The following ERC1 variants were observed in gnomAD, a reference collection of about 807,000 sequenced individuals.
ERC1 encodes the protein ELKS/RAB6-interacting/CAST family member 1, also known as RAB6 interacting protein 2.
A neutral mutation model predicts 132.0 loss-of-function variants in ERC1; 56 were observed. That is an observed-to-expected ratio of 0.42 (90% CI 0.34 to 0.53). The LOEUF (loss-of-function observed/expected upper bound fraction) is 0.53. ERC1 is among the 20% of genes least tolerant of loss of function. The probability of loss-of-function intolerance (pLI) is 0.03; values close to 1 mark genes in which losing one functional copy is unlikely to be tolerated. For missense variants in ERC1, 1,202 were observed against 1,349.9 expected (o/e 0.89, Z 1.72); for synonymous variants, 478 against 476.1 (o/e 1.00, Z -0.05).
chr12:1,148,876 AC>A (rs1421772652), intron 8 of ERC1, among the ~76,000 whole-genome samples: 3 of 152,320 alleles, frequency 2.0e-5, no homozygotes, highest in African/African-American at 7.2e-5. Flanking sequence ...TGCAGGGATC[AC>A]AGGCATGAGC....
chr12:1,416,645 T>G lies in ERC1; in HGVS notation c.3024+8398T>G, dbSNP rs117059740. ...TTGTCTGAATCACTGTCTTCTAAGT[T>G]GATTGTCCCTTTATCTAGTTCTGTT... On this transcript the variant is annotated intron_variant, in intron 17 of 18. Coordinates refer to ENST00000360905, the MANE Select transcript of ERC1 (RefSeq NM_178040.4). 3.0e-3 allele frequency among the ~76,000 whole-genome samples: 450 copies of G among 152,342 alleles called. 1 individual carries two copies. The highest frequency in any genetic ancestry group is 5.1e-3 in the Non-Finnish European group (345 of 68,036).
At chr12:1,415,915 A>G (rs2092096495) in intron 17 of ERC1, among the ~76,000 whole-genome samples, 1 of 152,222 alleles carries the variant, frequency 6.6e-6, no homozygotes, top group Admixed American at 6.5e-5. Flanking sequence ...CATTTACTAT[A>G]GGTCCAGCAC....
intron 17 of ERC1, among the ~76,000 whole-genome samples, chr12:1,435,271 G>A (rs999553425): frequency 5.3e-5 from 8 of 152,196 alleles, no homozygotes; most frequent in African/African-American, 1.9e-4. Flanking sequence ...ATTTTTTAGT[G>A]CGTGTGTGGA....
chr12:1,371,201 C>T (rs796473282), intron 15 of ERC1, among the ~76,000 whole-genome samples: 40 of 54,804 alleles, frequency 7.3e-4, no homozygotes, highest in African/African-American at 6.6e-3. Flanking sequence ...ATTTCCCCCT[C>T]TCTCCTCTGC....
At chr12:1,397,858 C>G (rs1260018899) in intron 16 of ERC1, among the ~76,000 whole-genome samples, 2 of 152,002 alleles carry the variant, frequency 1.3e-5, no homozygotes, top group Non-Finnish European at 2.9e-5. Flanking sequence ...TAAAAACAAA[C>G]AGAAACAAAT....
chr12:1,305,067 A>G (rs141322677), intron 15 of ERC1, among the ~76,000 whole-genome samples: 2 of 152,142 alleles, frequency 1.3e-5, no homozygotes, highest in Non-Finnish European at 2.9e-5. Flanking sequence ...GGCGTGAGCC[A>G]CTGCTCCCGG....
intron 7 of ERC1, among the ~76,000 whole-genome samples, chr12:1,122,641 C>A (rs12302009): frequency 0.057 from 478 of 8,390 alleles, 32 homozygotes; most frequent in East Asian, 0.33. Flanking sequence ...ATCTCTATCT[C>A]TATCTCTATC....
chr12:1,159,094 A>G (rs2154259683), intron 8 of ERC1, among the ~76,000 whole-genome samples: 1 of 152,324 alleles, frequency 6.6e-6, no homozygotes, highest in Non-Finnish European at 1.5e-5. Flanking sequence ...AAATATGAGA[A>G]AAATGTTCAA....
chr12:1,485,675 T>G (rs1465076002), intron 18 of ERC1, among the ~76,000 whole-genome samples: 4 of 152,226 alleles, frequency 2.6e-5, no homozygotes, highest in African/African-American at 9.6e-5. Flanking sequence ...CTTTTTGTTT[T>G]GTGTTTATTA....
Position 1,394,043 on chromosome 12 carries a change from AACC to A in ERC1, c.2926-14103_2926-14101del, listed in dbSNP as rs1405919673. 2.4e-3 allele frequency among the ~76,000 whole-genome samples: 182 copies of A among 76,832 alleles called. 6 individuals are homozygous for A. Among genetic ancestry groups the A allele is most frequent in the African/African-American group, 9.7e-3 (175 of 17,994 alleles). 50.4% of individuals were successfully genotyped at this position (76,832 alleles called of 152,430 possible). The stretch of plus-strand genomic sequence containing the variant: ...AAAAAAAAAAAAAAAACAAAAAAAA[AACC>A]ACAAAGCATTAAGCAATTTAATTTC... On this transcript the variant is annotated intron_variant, in intron 16 of 18. Coordinates refer to ENST00000360905, the MANE Select transcript of ERC1 (RefSeq NM_178040.4).
intron 16 of ERC1, among the ~76,000 whole-genome samples, chr12:1,393,292 CTG>C (rs1230932461): frequency 6.6e-6 from 1 of 152,174 alleles, no homozygotes; most frequent in Non-Finnish European, 1.5e-5. Context: ...CTTTGGGAAA[CTG>C]AAAGGCAAGA....
rs1474953359 is a variant in ERC1 at position 1,147,828 on chromosome 12, T to C, written c.1737+6041T>C. Among the ~76,000 whole-genome samples the C allele has an allele frequency of 2.6e-5, 4 of 152,224 alleles. No individual in the cohort carries two copies. The East Asian group carries it at 7.7e-4, about 29-fold the overall frequency. On this transcript the variant is annotated intron_variant, in intron 8 of 18. Coordinates refer to ENST00000360905, the MANE Select transcript of ERC1 (RefSeq NM_178040.4). ...TCGATTCACCACTGTGCCAGCAGCCTGTTTGTTGCTCTAGGCTGATTATAC... is the reference window on the plus strand; with the variant it reads ...TCGATTCACCACTGTGCCAGCAGCCCGTTTGTTGCTCTAGGCTGATTATAC...
At chr12:1,172,891 C>T (rs973537273) in intron 8 of ERC1, among the ~76,000 whole-genome samples, 2 of 152,178 alleles carry the variant, frequency 1.3e-5, no homozygotes, top group Non-Finnish European at 2.9e-5. Context: ...TTAGGCTAAA[C>T]AGATTATTTG....
rs1367617062 is a variant in ERC1, at chr12:1,104,841, T to G, written c.1161+17T>G. On this transcript the variant is annotated intron_variant, in intron 4 of 18. Coordinates refer to ENST00000360905, the MANE Select transcript of ERC1 (RefSeq NM_178040.4). ...GAGATGAAGGTAAGTGAGAATCTAG[T>G]AAAGAATCTTATGAATTACCTTATA... 6.4e-7 allele frequency: 1 copy of G among 1,554,126 alleles called. No individual in the cohort carries two copies.
chr12:1,401,528 CTGTT>C (rs1174519825), intron 16 of ERC1, among the ~76,000 whole-genome samples: 3 of 152,112 alleles, frequency 2.0e-5, no homozygotes, highest in Non-Finnish European at 1.5e-5. Context: ...TGAAGCTAGA[CTGTT>C]TGTATTAGAG....
At chr12:1,069,500 G>A (rs1441764023) in intron 2 of ERC1, among the ~76,000 whole-genome samples, 1 of 152,080 alleles carries the variant, frequency 6.6e-6, no homozygotes, top group East Asian at 1.9e-4. Context: ...AGATGGAGGT[G>A]TATTTATTAT....
intron 1 of ERC1, among the ~76,000 whole-genome samples, chr12:1,008,063 T>G (rs1964034490): frequency 6.6e-6 from 1 of 152,190 alleles, no homozygotes; most frequent in South Asian, 2.1e-4. Flanking sequence ...TCCTAAGAAC[T>G]TTGGTTCCAC....
intron 15 of ERC1, among the ~76,000 whole-genome samples, chr12:1,347,085 A>ATTAT (rs1339820418): frequency 6.6e-6 from 1 of 152,158 alleles, no homozygotes; most frequent in Non-Finnish European, 1.5e-5. Flanking sequence ...GACAAACACG[A>ATTAT]TTATTTATCT....
chr12:1,446,205 A>AG (rs1400024969), intron 18 of ERC1, among the ~76,000 whole-genome samples: 1 of 152,200 alleles, frequency 6.6e-6, no homozygotes, highest in Non-Finnish European at 1.5e-5. Context: ...ATGCAGTAAA[A>AG]GACAGGGTAA....
Sources: gnomAD v4.1 joint callset for allele counts (sites outside exome capture counted in the v4.1 genomes callset) on GRCh38, gnomAD v4.1.1 for gene constraint, MANE v1.5 for transcripts, NCBI Gene and HGNC (gene_info 2026-07-23, HGNC 2026-07-21) for gene names.